The following CNNM4 variants were observed in gnomAD, a reference collection of about 807,000 sequenced individuals.
The protein encoded by CNNM4 is cyclin and CBS domain divalent metal cation transport mediator 4.
CNNM4 carries 32 observed loss-of-function variants against 53.7 expected under a neutral mutation model. The ratio of observed to expected loss-of-function variants is 0.60; its 90% confidence interval spans 0.45 to 0.80. CNNM4 has a LOEUF of 0.80. Ranked by LOEUF, CNNM4 falls within the 30% of genes least tolerant of loss-of-function variation. CNNM4 has a pLI of 0.00. For missense variants in CNNM4, 784 were observed against 1,022.0 expected (o/e 0.77, Z 3.17); for synonymous variants, 410 against 440.0 (o/e 0.93, Z 0.85).
rs968072182 is a variant in CNNM4, at chr2:96,779,664, A to T, written c.1402+17263A>T. ...TCTTTGCTCCAGTAACCATGTTGGC[A>T]TAATTGCAGTAACTTTATAAGTTTT... On this transcript the variant is annotated intron_variant, in intron 1 of 6. Coordinates refer to ENST00000377075, the MANE Select transcript of CNNM4 (RefSeq NM_020184.4). Among the ~76,000 whole-genome samples the T allele has an allele frequency of 3.3e-5, 5 of 152,246 alleles. No individual in the cohort carries two copies. In the East Asian group the frequency reaches 9.6e-4, roughly 29 times the overall value.
chr2:96,800,985 C>A lies in CNNM4; in HGVS notation c.1948+1337C>A. ...CCATCTCTGCCCAAAGCAGCCTGGCCCCGTCAGGTCTGCCTCTGTCCTGTG... is the reference window on the plus strand; with the variant it reads ...CCATCTCTGCCCAAAGCAGCCTGGCACCGTCAGGTCTGCCTCTGTCCTGTG... On this transcript the variant is annotated intron_variant, in intron 5 of 6. Transcript: ENST00000377075. This position sits in a 1 kb window ranked among gnomAD's most constrained non-coding sequence, Gnocchi z 4.6. 1 of 526,812 alleles carries A rather than the reference C, an allele frequency of 1.9e-6. No individual in the cohort carries two copies. Among genetic ancestry groups the A allele is most frequent in the Non-Finnish European group, 2.4e-6 (1 of 411,122 alleles). The allele number at this position is 526,812 out of a possible 1,614,324, so 32.6% of individuals were successfully genotyped here. A position where few individuals can be genotyped will look rare whatever the true frequency, so the allele number is the denominator to read the frequency against.
At position 96,797,296 on chromosome 2, in the gene CNNM4, C is replaced by T. The variant is rs542304508; in HGVS notation, c.1546+141C>T. ...CAGTGGCTGGGTGCCCTGCACTGGC[C>T]GGGGTGAGCAGGGAGCAGGTTGCTG... On this transcript the variant is annotated intron_variant, in intron 2 of 6. Transcript: ENST00000377075. The surrounding 1 kb of genome is among the most constrained non-coding windows in gnomAD (Gnocchi z 6.0). 24 of 1,379,344 alleles carry T rather than the reference C, an allele frequency of 1.7e-5. No homozygotes were observed. The Admixed American group carries it at 2.2e-4, about 12-fold the overall frequency. The allele number at this position is 1,379,344 out of a possible 1,614,324, so 85.4% of individuals were successfully genotyped here.
chr2:96,801,095 C>A lies in CNNM4; in HGVS notation c.1948+1447C>A, dbSNP rs972667112. ...AGTGCCTTCAGTCCAGGTCGGGTGT[C>A]CGCCTGGCAAGCGGAACTCCCTGCT... On this transcript the variant is annotated intron_variant, in intron 5 of 6. Transcript: ENST00000377075. This position sits in a 1 kb window ranked among gnomAD's most constrained non-coding sequence, Gnocchi z 5.6. 1 of 985,420 alleles carries A rather than the reference C, an allele frequency of 1.0e-6. No individual in the cohort carries two copies. 61.0% of individuals were successfully genotyped at this position (985,420 alleles called of 1,614,324 possible).
chr2:96,799,113 A>G lies in CNNM4; in HGVS notation c.1738A>G (p.Lys580Glu). 1 of 1,614,134 alleles carries G rather than the reference A, an allele frequency of 6.2e-7. No homozygotes were observed. The highest frequency in any genetic ancestry group is 8.5e-7 in the Non-Finnish European group (1 of 1,179,972). ...ISEKILLRLLKYPDVIQELKF... is the reference protein window; with the variant it reads ...ISEKILLRLLEYPDVIQELKF... ...AGAGAAGATCCTGCTGCGGCTACTC[A>G]AGTACCCAGATGTCATTCAGGAACT... The change falls in exon 4 of 7, where the codon AAG becomes GAG. Residue 580 changes from lysine to glutamate, a missense_variant. Transcript: ENST00000377075.
At chr2:96,803,640 C>T (rs1434894523) in intron 5 of CNNM4, among the ~76,000 whole-genome samples, 2 of 151,606 alleles carry the variant, frequency 1.3e-5, no homozygotes, top group African/African-American at 2.4e-5. Flanking sequence ...GCAAGAGAAT[C>T]GCTTGAACCC....
At chr2:96,770,083 T>C (rs1054511781) in intron 1 of CNNM4, among the ~76,000 whole-genome samples, 4 of 152,212 alleles carry the variant, frequency 2.6e-5, no homozygotes, top group African/African-American at 7.2e-5. Context: ...GCTGGCCCCA[T>C]GCAGCCTATG....
intron 1 of CNNM4, among the ~76,000 whole-genome samples, chr2:96,783,301 G>A (rs898238474): frequency 1.3e-5 from 2 of 152,178 alleles, no homozygotes; most frequent in South Asian, 4.1e-4. Context: ...AAATGCCAGA[G>A]GTGCTTCTGA....
rs745378599 is a variant in CNNM4 at position 96,797,469 on chromosome 2, C to T, written c.1547-44C>T. 3.7e-6 allele frequency: 6 copies of T among 1,610,706 alleles called. No individual in the cohort carries two copies. In the South Asian group the frequency reaches 5.5e-5, roughly 15 times the overall value. ...GGCGGGTTCCAGTCTCTTCCTAAGT[C>T]CTCAGGGGTCTGTGTTCTCAATTCC... On this transcript the variant is annotated intron_variant, in intron 2 of 6. Coordinates refer to ENST00000377075, the MANE Select transcript of CNNM4 (RefSeq NM_020184.4). This position sits in a 1 kb window ranked among gnomAD's most constrained non-coding sequence, Gnocchi z 6.0.
chr2:96,800,480 AGGGGGAACG>A lies in CNNM4; in HGVS notation c.1948+837_1948+845del. On this transcript the variant is annotated intron_variant, in intron 5 of 6. Transcript: ENST00000377075. This position sits in a 1 kb window ranked among gnomAD's most constrained non-coding sequence, Gnocchi z 4.6. Reference sequence around the variant, plus strand: ...CTGTCCTTTGACAAAAAGGACCCCGAGGGGGAACGGGGGTAGGGCACCCATGAATACTGA... The same window carrying A: ...CTGTCCTTTGACAAAAAGGACCCCGAGGGGTAGGGCACCCATGAATACTGA... Among the ~76,000 whole-genome samples, 2 of 152,146 alleles carry A rather than the reference AGGGGGAACG, an allele frequency of 1.3e-5. 1 individual carries two copies. Among genetic ancestry groups the A allele is most frequent in the Non-Finnish European group, 2.9e-5 (2 of 68,000 alleles).
rs1024171421 is a variant in CNNM4, at chr2:96,789,188, C to T, written c.1403-7824C>T. ...TGCAGCCTGGTCAGTGGGAGATAGA[C>T]GCCGGTCAGCCGATGGCACAGAGCT... On this transcript the variant is annotated intron_variant, in intron 1 of 6. Coordinates refer to ENST00000377075, the MANE Select transcript of CNNM4 (RefSeq NM_020184.4). Among the ~76,000 whole-genome samples the T allele has an allele frequency of 7.2e-5, 11 of 152,194 alleles. No homozygotes were observed. In the East Asian group the frequency reaches 7.8e-4, roughly 11 times the overall value.
chr2:96,778,681 G>C (rs2078947111), intron 1 of CNNM4, among the ~76,000 whole-genome samples: 1 of 142,174 alleles, frequency 7.0e-6, no homozygotes, highest in South Asian at 2.2e-4. Flanking sequence ...TGAACTCCTG[G>C]GCTCAAGTAA....
intron 5 of CNNM4, among the ~76,000 whole-genome samples, chr2:96,806,840 T>C (rs532757638): frequency 8.8e-4 from 134 of 152,288 alleles, no homozygotes; most frequent in South Asian, 1.9e-3. Context: ...CATTCTTCCT[T>C]ATTCAAGATT....
intron 1 of CNNM4, among the ~76,000 whole-genome samples, chr2:96,762,733 TTTAGAG>T (rs1007609879): frequency 1.3e-5 from 2 of 151,628 alleles, no homozygotes; most frequent in African/African-American, 4.8e-5. Flanking sequence ...GCGATGGAGA[TTTAGAG>T]TATGGGGTGG....
chr2:96,787,971 G>A (rs1024342423), intron 1 of CNNM4, among the ~76,000 whole-genome samples: 1 of 152,242 alleles, frequency 6.6e-6, no homozygotes, highest in Admixed American at 6.5e-5. Context: ...TGCCCAGGCT[G>A]GAGTGCAGTA....
rs186360566 is a variant in CNNM4, at chr2:96,776,107, C to T, written c.1402+13706C>T. Among the ~76,000 whole-genome samples the T allele has an allele frequency of 2.3e-4, 34 of 148,726 alleles. No individual in the cohort carries two copies. In the East Asian group the frequency reaches 5.5e-3, roughly 24 times the overall value. ...GCAGTGGCGTGATCTCAGCTCACCA[C>T]AACCTCCACCTCCCGGGTTCAAGTG... On this transcript the variant is annotated intron_variant, in intron 1 of 6. Coordinates refer to ENST00000377075, the MANE Select transcript of CNNM4 (RefSeq NM_020184.4).
chr2:96,762,438 C>T (rs771935307), intron 1 of CNNM4, 37 bp downstream of exon 1: 2 of 1,570,256 alleles, frequency 1.3e-6, no homozygotes, highest in African/African-American at 1.4e-5. Context: ...TCAATTTCCT[C>T]TTGACGCCTC....
intron 1 of CNNM4, among the ~76,000 whole-genome samples, chr2:96,767,098 A>G (rs961497459): frequency 1.3e-5 from 2 of 152,104 alleles, no homozygotes; most frequent in Admixed American, 1.3e-4. Context: ...GTGCTCCTAC[A>G]CACTTAGAGA....
intron 1 of CNNM4, among the ~76,000 whole-genome samples, chr2:96,781,138 C>A (rs2078972324): frequency 6.6e-6 from 1 of 151,934 alleles, no homozygotes; most frequent in African/African-American, 2.4e-5. Context: ...GCCACAATGC[C>A]CAGCTAATTT....
chr2:96,777,246 C>G (rs566386136), intron 1 of CNNM4, among the ~76,000 whole-genome samples: 1 of 152,056 alleles, frequency 6.6e-6, no homozygotes, highest in African/African-American at 2.4e-5. Flanking sequence ...GTCTCAATCT[C>G]TTGATCTTGT....
Sources: allele counts gnomAD v4.1 joint callset (sites outside exome capture counted in the v4.1 genomes callset), GRCh38; gene constraint gnomAD v4.1.1; non-coding constraint Gnocchi (gnomAD v3.1); transcripts MANE v1.5; gene names NCBI Gene and HGNC (gene_info 2026-07-23, HGNC 2026-07-21).